Variants in ADGRA2 observed in about 807,000 individuals in gnomAD.
ADGRA2 encodes the protein G-protein coupled receptor 124.
A neutral mutation model predicts 98.7 loss-of-function variants in ADGRA2; 61 were observed. The observed-to-expected ratio is 0.62, with a 90% CI of 0.50 to 0.76. The LOEUF is 0.76. Ranked by LOEUF, ADGRA2 falls within the 30% of genes least tolerant of loss-of-function variation. The pLI is 0.00. For missense variants in ADGRA2, 1,712 were observed against 1,860.0 expected, an observed-to-expected ratio of 0.92 and a Z score of 1.46; for synonymous variants, 858 against 831.5, an observed-to-expected ratio of 1.03 and a Z score of -0.55.
intron 1 of ADGRA2, among the ~76,000 whole-genome samples, chr8:37,807,017 C>T (rs1235654200): frequency 2.0e-5 from 3 of 152,210 alleles, no homozygotes; most frequent in Non-Finnish European, 2.9e-5. Flanking sequence ...GGACTCACTG[C>T]AGGTCTGTTT....
Position 37,829,539 on chromosome 8 carries a change from G to A in ADGRA2, c.534G>A (p.Glu178=), listed in dbSNP as rs746879795. 3.7e-6 allele frequency: 6 copies of A among 1,612,636 alleles called. No homozygotes were observed. In the South Asian group the frequency reaches 6.6e-5, roughly 18 times the overall value. ...FSSLQPGVFD[E]LPALKVVDLG... is the part of the protein sequence containing the mutation. ...GTCTGCAACCTGGGGTCTTTGATGA[G>A]CTGCCAGCCCTTAAGGTTGTGTGAG... Residue 178 remains glutamate, a synonymous_variant, in exon 5 of 19, where the codon GAG becomes GAA. Coordinates refer to ENST00000412232, the MANE Select transcript of ADGRA2 (RefSeq NM_032777.10).
At chr8:37,800,015 C>T (rs1804452975) in intron 1 of ADGRA2, among the ~76,000 whole-genome samples, 1 of 152,196 alleles carries the variant, frequency 6.6e-6, no homozygotes, top group African/African-American at 2.4e-5. Context: ...GAGGCTCAGT[C>T]CCTCCAGCAC....
chr8:37,812,914 C>A (rs749360918), intron 1 of ADGRA2, among the ~76,000 whole-genome samples: 3 of 152,006 alleles, frequency 2.0e-5, no homozygotes, highest in Non-Finnish European at 4.4e-5. Context: ...GTCTTGAACT[C>A]CTGGCCTCAA....
intron 2 of ADGRA2, among the ~76,000 whole-genome samples, chr8:37,824,595 G>A (rs1255336591): frequency 6.7e-6 from 1 of 150,038 alleles, no homozygotes; most frequent in Non-Finnish European, 1.5e-5. Context: ...CCGGGTTCAA[G>A]CGATTCTCCT....
In ADGRA2 at chr8:37,839,301, T is replaced by C. The variant is rs35522121; in HGVS notation, c.2388-198T>C. The C allele has an allele frequency of 0.012, 8,646 of 730,254 alleles. 593 individuals are homozygous for C. The African/African-American group carries it at 0.15, about 13-fold the overall frequency. 45.2% of individuals were successfully genotyped at this position (730,254 alleles called of 1,614,324 possible). A position where few individuals can be genotyped will look rare whatever the true frequency, so the allele number is the denominator to read the frequency against. On this transcript the variant is annotated intron_variant, in intron 15 of 18. Transcript: ENST00000412232. ...TTTTCCCCAGGTGGGTCCACATGAC[T>C]TTCTCAGCCTCTCACCCATTGGGGT...
chr8:37,841,228 A>G lies in ADGRA2; in HGVS notation c.2890A>G (p.Arg964Gly). Residue 964 changes from arginine to glycine, a missense_variant, in exon 19 of 19, where the codon AGG (arginine) becomes GGG (glycine). Transcript: ENST00000412232. This position sits in a 1 kb window ranked among gnomAD's most constrained non-coding sequence, Gnocchi z 5.0. Reference protein sequence around the residue: ...LAQNPKAGNSRASLEAGEELR... With the variant: ...LAQNPKAGNSGASLEAGEELR... ...ACAGAACCCCAAGGCGGGCAACAGC[A>G]GGGCCTCCCTGGAGGCAGGGGAGGA... is the stretch of plus-strand genomic sequence containing the variant. The G allele has an allele frequency of 1.9e-6, 3 of 1,613,650 alleles. No individual in the cohort carries two copies. Among genetic ancestry groups the G allele is most frequent in the Middle Eastern group, 3.3e-4 (2 of 6,062 alleles).
rs1176787615 is a variant in ADGRA2, at chr8:37,829,311, G to A, written c.461G>A (p.Gly154Asp). ...TGTCTCACCTCCGAGACCTTCCAGGGCCTCCCCAGGCTTCTCCGACTGTAA... is the reference window on the plus strand; with the variant it reads ...TGTCTCACCTCCGAGACCTTCCAGGACCTCCCCAGGCTTCTCCGACTGTAA... The part of the protein sequence containing the change: ...IGCLTSETFQ[G>D]LPRLLRLNIS... Residue 154 changes from glycine (G) to aspartate (D), a missense_variant, in exon 4 of 19, where the codon GGC (glycine) becomes GAC (aspartate). By Grantham distance (94) the Gly-to-Asp change is moderately conservative. Transcript: ENST00000412232. The A allele has an allele frequency of 6.2e-7, 1 of 1,613,376 alleles. No individual in the cohort carries two copies. Among genetic ancestry groups the A allele is most frequent in the South Asian group, 1.1e-5 (1 of 91,022 alleles).
intron 9 of ADGRA2, 97 bp downstream of exon 9, chr8:37,833,305 G>A (rs556077068): frequency 1.7e-5 from 16 of 955,974 alleles, no homozygotes; most frequent in Admixed American, 7.4e-5. Flanking sequence ...TCTCCGGGCC[G>A]CTGGGCTGTG....
Position 37,842,081 on chromosome 8 carries a change from C to T in ADGRA2, c.3743C>T (p.Pro1248Leu). ...GCCGGCCTGCAGCTGGAAGGCGAGCCCATGCTCACGCCGTCCGAGGGCAGC... is the reference window on the plus strand; with the variant it reads ...GCCGGCCTGCAGCTGGAAGGCGAGCTCATGCTCACGCCGTCCGAGGGCAGC... ...PGAGLQLEGE[P>L]MLTPSEGSDT... Residue 1248 changes from proline (P) to leucine (L), a missense_variant, in exon 19 of 19, where the codon CCC (proline) becomes CTC (leucine). By Grantham distance (98) the Pro-to-Leu change is moderately conservative. Coordinates refer to ENST00000412232, the MANE Select transcript of ADGRA2 (RefSeq NM_032777.10). The T allele has an allele frequency of 2.0e-6, 3 of 1,515,896 alleles. No homozygotes were observed. Among genetic ancestry groups the T allele is most frequent in the Non-Finnish European group, 2.6e-6 (3 of 1,139,436 alleles). 93.9% of individuals were successfully genotyped at this position (1,515,896 alleles called of 1,614,324 possible).
chr8:37,839,394 C>A, intron 15 of ADGRA2, 105 bp from the exon 16 acceptor site: 1 of 1,525,738 alleles, frequency 6.6e-7, no homozygotes. Context: ...ACCATTCACA[C>A]ACGCAGATAT....
intron 16 of ADGRA2, 41 bp from the exon 17 acceptor site, chr8:37,840,080 G>A (rs201535534): frequency 6.3e-5 from 96 of 1,529,368 alleles, no homozygotes; most frequent in South Asian, 6.2e-4. Flanking sequence ...GGGTCCAGTC[G>A]TAGTCCCCAG....
chr8:37,838,353 G>A (rs1319731882), intron 14 of ADGRA2, among the ~76,000 whole-genome samples: 1 of 151,180 alleles, frequency 6.6e-6, no homozygotes, highest in Non-Finnish European at 1.5e-5. Context: ...CTAGGTCCAA[G>A]TGATTCTCCT....
rs2130032994 is a variant in ADGRA2, at chr8:37,835,266, G to C, written c.1701G>C (p.Gly567=). ...TCTAFQRREG[G]VPGTRPGSPG... is the part of the protein sequence containing the mutation. ...CAGCCTTCCAGAGGAGGGAGGGAGG[G>C]GTGCCGGGCACACGGCCAGGAAGCC... Residue 567 remains glycine (G), a synonymous_variant, in exon 12 of 19, where the codon GGG becomes GGC. Coordinates refer to ENST00000412232, the MANE Select transcript of ADGRA2 (RefSeq NM_032777.10). The C allele has an allele frequency of 6.2e-7, 1 of 1,613,910 alleles. No homozygotes were observed. Among genetic ancestry groups the C allele is most frequent in the East Asian group, 2.2e-5 (1 of 44,868 alleles).
intron 1 of ADGRA2, among the ~76,000 whole-genome samples, chr8:37,801,920 T>C (rs1436536984): frequency 6.6e-6 from 1 of 152,182 alleles, no homozygotes; most frequent in Non-Finnish European, 1.5e-5. Flanking sequence ...CTGGGAACAT[T>C]CCAGGCTGGG....
intron 1 of ADGRA2, among the ~76,000 whole-genome samples, chr8:37,806,704 AT>A (rs1804680723): frequency 6.6e-6 from 1 of 150,768 alleles, no homozygotes; most frequent in Admixed American, 6.6e-5. Flanking sequence ...TAATTTTTGT[AT>A]TTTTAATAGA....
chr8:37,844,528 CA>C lies in ADGRA2; in HGVS notation c.*2174del. ...GGGACACTCGTGGCAGCCTGTCTAG[CA>C]GCCTGGGCTCTCTGAAAGTCCCTAA... On this transcript the variant is annotated 3_prime_UTR_variant, in exon 19 of 19. Coordinates refer to ENST00000412232, the MANE Select transcript of ADGRA2 (RefSeq NM_032777.10). The C allele has an allele frequency of 6.2e-7, 1 of 1,613,682 alleles. No individual in the cohort carries two copies. Among genetic ancestry groups the C allele is most frequent in the Non-Finnish European group, 8.5e-7 (1 of 1,180,008 alleles).
intron 2 of ADGRA2, among the ~76,000 whole-genome samples, chr8:37,826,266 G>A (rs1171766663): frequency 1.3e-5 from 2 of 152,132 alleles, no homozygotes; most frequent in Non-Finnish European, 2.9e-5. Flanking sequence ...ACCCCAACAG[G>A]GGCCAGGGGG....
In ADGRA2 at chr8:37,830,101, C is replaced by A; in HGVS notation, c.718+87C>A. ...CCAGACACGAGCCTCCCCTCAGACC[C>A]ACAGGTTTTTACCTTTGTATTGCAA... is the stretch of plus-strand genomic sequence containing the variant. On this transcript the variant is annotated intron_variant, in intron 6 of 18. Transcript: ENST00000412232. The surrounding 1 kb of genome is among the most constrained non-coding windows in gnomAD (Gnocchi z 4.8). The A allele has an allele frequency of 1.1e-6, 1 of 895,140 alleles. No homozygotes were observed. Among genetic ancestry groups the A allele is most frequent in the Non-Finnish European group, 1.6e-6 (1 of 613,140 alleles). The allele number at this position is 895,140 out of a possible 1,614,324, so 55.4% of individuals were successfully genotyped here. A position where few individuals can be genotyped will look rare whatever the true frequency, so the allele number is the denominator to read the frequency against.
At chr8:37,819,186 G>T (rs1469467929) in intron 2 of ADGRA2, among the ~76,000 whole-genome samples, 1 of 152,142 alleles carries the variant, frequency 6.6e-6, no homozygotes, top group Non-Finnish European at 1.5e-5. Context: ...GACACCCACA[G>T]CGCCCATAAG....
Sources: allele counts gnomAD v4.1 joint callset (sites outside exome capture counted in the v4.1 genomes callset), GRCh38; gene constraint gnomAD v4.1.1; non-coding constraint Gnocchi (gnomAD v3.1); transcripts MANE v1.5; gene names NCBI Gene and HGNC (gene_info 2026-07-23, HGNC 2026-07-21).